Variants in GOLGA6L9 observed in about 807,000 individuals in gnomAD.
The protein encoded by GOLGA6L9 is golgin A6 family like 9, also known as golgin subfamily A member 6-like protein 9.
GOLGA6L9 carries 19 observed loss-of-function variants against 51.3 expected under a neutral mutation model. That is an observed-to-expected ratio of 0.37 (90% CI 0.26 to 0.54). The LOEUF (loss-of-function observed/expected upper bound fraction) is 0.54, where lower values mean the gene tolerates loss of function less well. Among genes scored for constraint, GOLGA6L9 ranks in the 20% least tolerant of loss-of-function variants. GOLGA6L9 has a pLI of 0.83. For missense variants in GOLGA6L9, 247 were observed against 464.1 expected (o/e 0.53, Z 4.30); for synonymous variants, 97 against 184.2 (o/e 0.53, Z 3.83).
upstream of GOLGA6L9, among the ~76,000 whole-genome samples, chr15:82,425,612 G>A (rs1165564895): frequency 1.6e-5 from 1 of 62,772 alleles, no homozygotes; most frequent in African/African-American, 7.4e-5. Flanking sequence ...TGGTATGTGG[G>A]TGGTTATGCT....
chr15:82,419,536 G>A, the GOLGA6L9 span: 1 of 153,304 alleles, frequency 6.5e-6, no homozygotes. Context: ...TGTAGTCCCA[G>A]CTACCCGGGA....
At chr15:82,429,339 T>A (rs1162858808), upstream of GOLGA6L9, among the ~76,000 whole-genome samples, 1 of 152,176 alleles carries the variant, frequency 6.6e-6, no homozygotes, top group East Asian at 1.9e-4. Context: ...CCTCCCAAAG[T>A]GATGGCATTA....
upstream of GOLGA6L9, among the ~76,000 whole-genome samples, chr15:82,429,606 C>T (rs2031329384): frequency 6.6e-6 from 1 of 152,182 alleles, no homozygotes; most frequent in East Asian, 1.9e-4. Context: ...ACTTGTAATT[C>T]TTGTGCTCCA....
chr15:82,424,590 G>C, the GOLGA6L9 span, among the ~76,000 whole-genome samples: 2 of 151,996 alleles, frequency 1.3e-5, no homozygotes, highest in African/African-American at 4.8e-5. Flanking sequence ...AATGGGCTTG[G>C]CCAGAGGTCA....
chr15:82,434,007 G>A (rs2031537658), intron 5 of GOLGA6L9, 27 bp from the exon 6 acceptor site: 2 of 1,524,858 alleles, frequency 1.3e-6, no homozygotes, highest in East Asian at 2.4e-5. Flanking sequence ...GAATCCAGAG[G>A]CCCTTATTCT....
chr15:82,417,257 C>T, the GOLGA6L9 span, among the ~76,000 whole-genome samples: 1 of 152,184 alleles, frequency 6.6e-6, no homozygotes, highest in East Asian at 1.9e-4. Context: ...GGCATATTAT[C>T]CTTAGATGAC....
chr15:82,433,953 A>T, intron 5 of GOLGA6L9, 81 bp from the exon 6 acceptor site: 2 of 1,467,638 alleles, frequency 1.4e-6, no homozygotes, highest in Non-Finnish European at 1.8e-6. Context: ...GCCTGAGAGG[A>T]GGAGCTGTGC....
In GOLGA6L9 at chr15:82,434,458, G is replaced by T; in HGVS notation, c.858G>T (p.Arg286Ser). 6.5e-7 allele frequency: 1 copy of T among 1,548,550 alleles called. No individual in the cohort carries two copies. The highest frequency in any genetic ancestry group is 8.7e-7 in the Non-Finnish European group (1 of 1,154,442). Residue 286 changes from arginine (R) to serine (S), a missense_variant, in exon 6 of 9, where the codon AGG becomes AGT. Coordinates refer to ENST00000618348, the MANE Select transcript of GOLGA6L9 (RefSeq NM_198181.4). ...DEVEELLEQERLRQQDERLWQ... is the reference protein window; with the variant it reads ...DEVEELLEQESLRQQDERLWQ... ...TGGAGGAGCTCCTGGAGCAGGAGAG[G>T]CTTCGGCAACAGGATGAGAGGCTGT...
chr15:82,437,019 T>C lies in GOLGA6L9; in HGVS notation c.*608T>C, dbSNP rs2031717093. 6.4e-6 allele frequency: 1 copy of C among 155,066 alleles called. No individual in the cohort carries two copies. The highest frequency in any genetic ancestry group is 1.4e-5 in the Non-Finnish European group (1 of 70,342). 9.6% of individuals were successfully genotyped at this position (155,066 alleles called of 1,614,324 possible). On this transcript the variant is annotated 3_prime_UTR_variant, in exon 9 of 9. Coordinates refer to ENST00000618348, the MANE Select transcript of GOLGA6L9 (RefSeq NM_198181.4). Reference sequence around the variant, plus strand: ...TCCCCCTTTTTCTGTGTATTGGGGATGGGAGTAATAACATTTTGGGGAGGT... The same window carrying C: ...TCCCCCTTTTTCTGTGTATTGGGGACGGGAGTAATAACATTTTGGGGAGGT...
rs1470742025 is a variant in GOLGA6L9, at chr15:82,437,085, G to T, written c.*674G>T. Reference sequence around the variant, plus strand: ...AAGAGGAAAGTGGCCTGCTTTGGCAGGTGTGTGCAGGATAGAATATGTTTC... The same window carrying T: ...AAGAGGAAAGTGGCCTGCTTTGGCATGTGTGTGCAGGATAGAATATGTTTC... On this transcript the variant is annotated 3_prime_UTR_variant, in exon 9 of 9. Coordinates refer to ENST00000618348, the MANE Select transcript of GOLGA6L9 (RefSeq NM_198181.4). The T allele has an allele frequency of 1.3e-5, 2 of 148,950 alleles. No homozygotes were observed. The highest frequency in any genetic ancestry group is 3.0e-5 in the Non-Finnish European group (2 of 67,616). 9.2% of individuals were successfully genotyped at this position (148,950 alleles called of 1,614,324 possible).
rs1413642690 is a variant in GOLGA6L9 at position 82,433,522 on chromosome 15, C to T, written c.346-40C>T. 4 of 933,436 alleles carry T rather than the reference C, an allele frequency of 4.3e-6. No individual in the cohort carries two copies. In the African/African-American group the frequency reaches 7.7e-5, roughly 18 times the overall value. 57.8% of individuals were successfully genotyped at this position (933,436 alleles called of 1,614,324 possible). On this transcript the variant is annotated intron_variant, in intron 4 of 8. Coordinates refer to ENST00000618348, the MANE Select transcript of GOLGA6L9 (RefSeq NM_198181.4). ...ACTCTGTCTCTGGACGTTCACCAGC[C>T]CCTCCCTCCAGTACCCTTTTCCCCC...
intron 7 of GOLGA6L9, chr15:82,435,420 C>T (rs2031631694): frequency 3.8e-6 from 1 of 260,140 alleles, no homozygotes; most frequent in Non-Finnish European, 7.2e-6. Flanking sequence ...ACACGAGAAT[C>T]ACTTGAGCCC....
chr15:82,424,302 T>C, the GOLGA6L9 span, among the ~76,000 whole-genome samples: 1 of 151,938 alleles, frequency 6.6e-6, no homozygotes, highest in Non-Finnish European at 1.5e-5. Context: ...AAACTACTGA[T>C]CTGAGGTGAT....
upstream of GOLGA6L9, among the ~76,000 whole-genome samples, chr15:82,429,738 A>AT (rs1344234644): frequency 6.6e-6 from 1 of 152,150 alleles, no homozygotes; most frequent in Non-Finnish European, 1.5e-5. Flanking sequence ...ATACACATAT[A>AT]TTTTTTAAAG....
the GOLGA6L9 span, among the ~76,000 whole-genome samples, chr15:82,417,480 G>C: frequency 2.0e-5 from 3 of 152,200 alleles, no homozygotes. Flanking sequence ...TACTTATGTA[G>C]TGAAGGTACT....
chr15:82,434,551 G>C lies in GOLGA6L9; in HGVS notation c.951G>C (p.Trp317Cys), dbSNP rs1272629441. 1.4e-5 allele frequency: 21 copies of C among 1,554,808 alleles called. No homozygotes were observed. The highest frequency in any genetic ancestry group is 1.6e-5 in the Non-Finnish European group (18 of 1,157,742). The change falls in exon 6 of 9, where the codon TGG becomes TGC. Residue 317 changes from tryptophan to cysteine, a missense_variant. Transcript: ENST00000618348. ...RELERMLELG[W>C]EALYEQRAEP... ...TGGAGAGGATGCTGGAGCTGGGGTG[G>C]GAAGCCCTGTACGAGCAGCGGGCCG...
chr15:82,430,221 A>G, intron 1 of GOLGA6L9, 58 bp downstream of exon 1: 1 of 515,212 alleles, frequency 1.9e-6, no homozygotes, highest in East Asian at 3.2e-5. Context: ...CGATGACAAG[A>G]CCGGTGCCAG....
intron 1 of GOLGA6L9, chr15:82,431,602 G>C: frequency 2.9e-6 from 1 of 346,030 alleles, no homozygotes; most frequent in Non-Finnish European, 4.8e-6. Context: ...TGGAGTCAGA[G>C]GACTGAGTTT....
At position 82,432,592 on chromosome 15, in the gene GOLGA6L9, G is replaced by A. The variant is rs1255388835; in HGVS notation, c.225G>A (p.Gly75=). Residue 75 remains glycine (G), a synonymous_variant, in exon 3 of 9, where the codon GGG becomes GGA. Transcript: ENST00000618348. Reference sequence around the variant, plus strand: ...TGGAGTCAGCAACAGGTATCTACGGGGAGGGCCGTGCATCCTCTACTACCC... The same window carrying A: ...TGGAGTCAGCAACAGGTATCTACGGAGAGGGCCGTGCATCCTCTACTACCC... ...SPGDSATGIY[G]EGRASSTTLQ... is the part of the protein sequence containing the mutation. The A allele has an allele frequency of 2.5e-6, 4 of 1,603,792 alleles. No individual in the cohort carries two copies. Among genetic ancestry groups the A allele is most frequent in the Non-Finnish European group, 3.4e-6 (4 of 1,179,650 alleles).
Sources: allele counts gnomAD v4.1 joint callset (sites outside exome capture counted in the v4.1 genomes callset), GRCh38; gene constraint gnomAD v4.1.1; transcripts MANE v1.5; gene names NCBI Gene and HGNC (gene_info 2026-07-23, HGNC 2026-07-21).